SH3BP5L: variants seen among roughly 807,000 people sequenced by gnomAD.
The protein encoded by SH3BP5L is SH3 binding domain protein 5 like, also known as SH3 domain-binding protein 5-like.
A neutral mutation model predicts 40.9 loss-of-function variants in SH3BP5L; 16 were observed. That is an observed-to-expected ratio of 0.39 (90% CI 0.27 to 0.59). The LOEUF (loss-of-function observed/expected upper bound fraction) is 0.59. Among genes scored for constraint, SH3BP5L ranks in the 20% least tolerant of loss-of-function variants. SH3BP5L has a pLI of 0.53. For synonymous variants in SH3BP5L, 229 were observed against 226.7 expected, an observed-to-expected ratio of 1.01 and a Z score of -0.09; for missense variants, 471 against 544.6, an observed-to-expected ratio of 0.86 and a Z score of 1.35.
At position 248,812,147 on chromosome 1, in the gene SH3BP5L, T is replaced by TC. The variant is rs1663959668; in HGVS notation, c.934dup (p.Glu312GlyfsTer92). On this transcript the variant is annotated frameshift_variant, in exon 7 of 7. Transcript: ENST00000366472. LOFTEE classifies it high-confidence loss of function. This position sits in a 1 kb window ranked among gnomAD's most constrained non-coding sequence, Gnocchi z 6.1. ...GCTGCCCTCCTCCAGCCCCGCACCC[T>TC]CGGCCCCCTCAATCCCGCTGTCTCC... 1 of 1,601,136 alleles carries TC rather than the reference T, an allele frequency of 6.2e-7. No homozygotes were observed. The highest frequency in any genetic ancestry group is 8.5e-7 in the Non-Finnish European group (1 of 1,173,840).
intron 2 of SH3BP5L, among the ~76,000 whole-genome samples, chr1:248,823,487 C>A (rs1049904583): frequency 2.0e-5 from 3 of 152,204 alleles, no homozygotes; most frequent in African/African-American, 7.2e-5. Context: ...TTCACTACAA[C>A]TGATTTCCTC....
rs1376332875 is a variant in SH3BP5L, at chr1:248,812,323, G to A, written c.759C>T (p.Ala253=). ...VTELEQQVAQ[A]KTRYSVALRN... Reference sequence around the variant, plus strand: ...GAAGGGCCACGGAGTAGCGCGTCTTGGCCTGAGCTACCTGCTGCTCCAGTT... The same window carrying A: ...GAAGGGCCACGGAGTAGCGCGTCTTAGCCTGAGCTACCTGCTGCTCCAGTT... Residue 253 remains alanine (A), a synonymous_variant, in exon 7 of 7, where the codon GCC becomes GCT. Transcript: ENST00000366472. The surrounding 1 kb of genome is among the most constrained non-coding windows in gnomAD (Gnocchi z 6.1). 6.2e-7 allele frequency: 1 copy of A among 1,609,544 alleles called. No individual in the cohort carries two copies. The highest frequency in any genetic ancestry group is 1.1e-5 in the South Asian group (1 of 91,084).
chr1:248,818,432 A>G (rs1392459796), intron 2 of SH3BP5L, among the ~76,000 whole-genome samples: 1 of 152,142 alleles, frequency 6.6e-6, no homozygotes, highest in Non-Finnish European at 1.5e-5. Flanking sequence ...TCCCAAGGCA[A>G]CGCAGGACAC....
At chr1:248,816,720 C>G in intron 3 of SH3BP5L, 58 bp from the exon 4 acceptor site, 1 of 1,612,952 alleles carries the variant, frequency 6.2e-7, no homozygotes, top group Non-Finnish European at 8.5e-7. Context: ...CCTCTTGTTT[C>G]TCAGACACAC....
chr1:248,810,553 G>C lies in SH3BP5L; in HGVS notation c.*1347C>G, dbSNP rs1049583524. ...ACACCCACACCCTCCCTCCCTTTCGGCTGTCTGCCCATGGCCACCTCAAAC... is the reference window on the plus strand; with the variant it reads ...ACACCCACACCCTCCCTCCCTTTCGCCTGTCTGCCCATGGCCACCTCAAAC... On this transcript the variant is annotated 3_prime_UTR_variant, in exon 7 of 7. Coordinates refer to ENST00000366472, the MANE Select transcript of SH3BP5L (RefSeq NM_030645.3). 2.0e-5 allele frequency: 3 copies of C among 152,512 alleles called. No individual in the cohort carries two copies. The highest frequency in any genetic ancestry group is 7.2e-5 in the African/African-American group (3 of 41,526). The allele number at this position is 152,512 out of a possible 1,614,324, so 9.4% of individuals were successfully genotyped here.
chr1:248,816,065 T>A (rs1284082631), intron 4 of SH3BP5L: 1 of 158,638 alleles, frequency 6.3e-6, no homozygotes, highest in African/African-American at 2.4e-5. Flanking sequence ...TGTTTTATTA[T>A]GTTTTTCCAA....
rs1663974210 is a variant in SH3BP5L at position 248,812,431 on chromosome 1, T to G, written c.712-61A>C. 1 of 1,344,418 alleles carries G rather than the reference T, an allele frequency of 7.4e-7. No homozygotes were observed. The highest frequency in any genetic ancestry group is 1.0e-6 in the Non-Finnish European group (1 of 958,848). 83.3% of individuals were successfully genotyped at this position (1,344,418 alleles called of 1,614,324 possible). A position where few individuals can be genotyped will look rare whatever the true frequency, so the allele number is the denominator to read the frequency against. On this transcript the variant is annotated intron_variant, in intron 6 of 6. Transcript: ENST00000366472. The surrounding 1 kb of genome is among the most constrained non-coding windows in gnomAD (Gnocchi z 6.1). ...GGCACGTCTCCACCTTCCTCAGCAC[T>G]CTGCACTGAGGTCTGAGGGCCTGCT...
rs960111749 is a variant in SH3BP5L, at chr1:248,821,911, G to A, written c.183+2842C>T. On this transcript the variant is annotated intron_variant, in intron 2 of 6. Transcript: ENST00000366472. The surrounding 1 kb of genome is among the most constrained non-coding windows in gnomAD (Gnocchi z 4.6). The stretch of plus-strand genomic sequence containing the variant: ...CCCCAGGTCAGACAGGGCCTCATCC[G>A]AAGGACAGCCATTTCCGGGAGCCTC... Among the ~76,000 whole-genome samples, 2 of 152,182 alleles carry A rather than the reference G, an allele frequency of 1.3e-5. No homozygotes were observed. The highest frequency in any genetic ancestry group is 2.4e-5 in the African/African-American group (1 of 41,440).
Position 248,825,316 on chromosome 1 carries a change from G to C in SH3BP5L, c.-381C>G, listed in dbSNP as rs1446585165. 9.9e-7 allele frequency: 1 copy of C among 1,014,546 alleles called. No individual in the cohort carries two copies. The highest frequency in any genetic ancestry group is 1.2e-6 in the Non-Finnish European group (1 of 848,360). The allele number at this position is 1,014,546 out of a possible 1,614,324, so 62.8% of individuals were successfully genotyped here. On this transcript the variant is annotated 5_prime_UTR_variant, in exon 2 of 7. Transcript: ENST00000366472. ...CCTCCAGGCTGTGGTGGCAGCTGGA[G>C]AGAGAAGGCTGGGCCCGAGCTGAGG...
rs1461776728 is a variant in SH3BP5L at position 248,812,187 on chromosome 1, C to T, written c.895G>A (p.Glu299Lys). The change falls in exon 7 of 7, where the codon GAG (glutamate) becomes AAG (lysine). Residue 299 changes from glutamate to lysine, a missense_variant. This residue lies in a region of SH3BP5L where 196 missense variants were observed against 174.6 expected (regional missense o/e 1.12). Transcript: ENST00000366472. This position sits in a 1 kb window ranked among gnomAD's most constrained non-coding sequence, Gnocchi z 6.1. Reference protein sequence around the residue: ...SSPVGAEAGPEDMEDGDSGIE... With the variant: ...SSPVGAEAGPKDMEDGDSGIE... ...CCGCTGTCTCCGTCCTCCATGTCCT[C>T]GGGTCCTGCCTCGGCCCCCACGGGG... 2 of 1,599,472 alleles carry T rather than the reference C, an allele frequency of 1.3e-6. No homozygotes were observed. Among genetic ancestry groups the T allele is most frequent in the African/African-American group, 1.3e-5 (1 of 74,700 alleles).
chr1:248,816,415 CTA>C (rs1664105729), intron 4 of SH3BP5L, 117 bp downstream of exon 4: 1 of 1,364,334 alleles, frequency 7.3e-7, no homozygotes, highest in South Asian at 1.3e-5. Context: ...CCAGCCAGGT[CTA>C]GCCCAGGGCT....
chr1:248,811,633 T>A lies in SH3BP5L; in HGVS notation c.*267A>T. 2.1e-6 allele frequency: 1 copy of A among 483,372 alleles called. No homozygotes were observed. Among genetic ancestry groups the A allele is most frequent in the Non-Finnish European group, 3.7e-6 (1 of 273,698 alleles). 29.9% of individuals were successfully genotyped at this position (483,372 alleles called of 1,614,324 possible). ...AGGGTCAATGCCCTGCAGATCGTGA[T>A]GAGCTGGCAGGCAGAGGCAGACAGA... On this transcript the variant is annotated 3_prime_UTR_variant, in exon 7 of 7. Coordinates refer to ENST00000366472, the MANE Select transcript of SH3BP5L (RefSeq NM_030645.3).
intron 1 of SH3BP5L, 104 bp from the exon 2 acceptor site, chr1:248,825,470 G>T: frequency 1.3e-6 from 1 of 790,606 alleles, no homozygotes; most frequent in Non-Finnish European, 1.5e-6. Flanking sequence ...CTCTCACCAC[G>T]CCCCCACCCA....
rs200566306 is a variant in SH3BP5L at position 248,816,516 on chromosome 1, G to A, written c.375+18C>T. On this transcript the variant is annotated intron_variant, in intron 4 of 6. Transcript: ENST00000366472. ...GCTCAGCACGTAGCCTTCCTCAAAC[G>A]TGGTCAGCCAGCCATACCTCCTTAG... 7.8e-4 allele frequency: 1,255 copies of A among 1,613,532 alleles called. 9 individuals carry two copies. The highest frequency in any genetic ancestry group is 1.2e-3 in the East Asian group (53 of 44,876).
At chr1:248,817,121 C>T (rs1054754307) in intron 2 of SH3BP5L, 15 of 1,367,600 alleles carry the variant, frequency 1.1e-5, no homozygotes, top group Non-Finnish European at 1.4e-5. Flanking sequence ...GTAGTAAAAC[C>T]CCAGTTTCAA....
chr1:248,812,065 G>C lies in SH3BP5L; in HGVS notation c.1017C>G (p.Arg339=), dbSNP rs1572178105. 6.2e-7 allele frequency: 1 copy of C among 1,613,020 alleles called. No individual in the cohort carries two copies. Among genetic ancestry groups the C allele is most frequent in the East Asian group, 2.2e-5 (1 of 44,868 alleles). The change falls in exon 7 of 7, where the codon CGC becomes CGG. Residue 339 remains arginine (R), a synonymous_variant. Transcript: ENST00000366472. This position sits in a 1 kb window ranked among gnomAD's most constrained non-coding sequence, Gnocchi z 6.1. ...ACTTCTGCAGGTCTGAAGCCACCGT[G>C]CGCAGGCTCAGCAGACTCAGGGTAT... ...DTDTLSLLSL[R]TVASDLQKCD...
At chr1:248,815,853 C>T (rs1664091435) in intron 4 of SH3BP5L, among the ~76,000 whole-genome samples, 1 of 152,226 alleles carries the variant, frequency 6.6e-6, no homozygotes, top group African/African-American at 2.4e-5. Flanking sequence ...CTTTCTCCTT[C>T]ACTTCTGCCT....
intron 4 of SH3BP5L, chr1:248,814,944 T>C (rs1056330660): frequency 5.0e-6 from 2 of 397,170 alleles, no homozygotes; most frequent in African/African-American, 2.1e-5. Flanking sequence ...GACAGAGTCT[T>C]ACAGAAAAGA....
At chr1:248,817,365 T>C (rs1664136367) in intron 2 of SH3BP5L, among the ~76,000 whole-genome samples, 1 of 152,148 alleles carries the variant, frequency 6.6e-6, no homozygotes, top group Non-Finnish European at 1.5e-5. Context: ...ACCTGAGAAT[T>C]CAGGACATAG....
Sources: allele counts gnomAD v4.1 joint callset (sites outside exome capture counted in the v4.1 genomes callset), GRCh38; gene constraint gnomAD v4.1.1; regional missense constraint gnomAD v4.1.1; non-coding constraint Gnocchi (gnomAD v3.1); transcripts MANE v1.5; gene names NCBI Gene and HGNC (gene_info 2026-07-23, HGNC 2026-07-21).